SP140L: variants seen among roughly 807,000 people sequenced by gnomAD.
The protein encoded by SP140L is SP140 like nuclear body protein.
In SP140L, 64 loss-of-function variants were observed where a neutral mutation model predicts 84.3. The ratio of observed to expected loss-of-function variants is 0.76; its 90% CI spans 0.62 to 0.94. The LOEUF is 0.94. Ranked by LOEUF, SP140L falls within the 40% of genes least tolerant of loss-of-function variation. The pLI is 0.00. For missense variants in SP140L, 628 were observed against 692.5 expected, an observed-to-expected ratio of 0.91 and a Z score of 1.05; for synonymous variants, 242 against 236.9, an observed-to-expected ratio of 1.02 and a Z score of -0.20.
Position 230,393,544 on chromosome 2 carries a change from T to C in SP140L, c.1155+83T>C, listed in dbSNP as rs1016567743. On this transcript the variant is annotated intron_variant, in intron 13 of 18. Transcript: ENST00000415673. ...ACATCTTATTTTATGGAGTCTCCAATTGGGTAACTATAATTAAGCTTTCAC... is the reference window on the plus strand; with the variant it reads ...ACATCTTATTTTATGGAGTCTCCAACTGGGTAACTATAATTAAGCTTTCAC... 12 of 1,419,656 alleles carry C rather than the reference T, an allele frequency of 8.5e-6. No homozygotes were observed. The Admixed American group carries it at 1.6e-4, about 19-fold the overall frequency. The allele number at this position is 1,419,656 out of a possible 1,614,324, so 87.9% of individuals were successfully genotyped here.
intron 2 of SP140L, among the ~76,000 whole-genome samples, chr2:230,341,184 C>A (rs2060030848): frequency 7.3e-6 from 1 of 137,608 alleles, no homozygotes; most frequent in African/African-American, 2.7e-5. Context: ...GGAGGCTTTG[C>A]TCATTTCTTT....
At chr2:230,374,238 C>T (rs1036070718) in intron 7 of SP140L, among the ~76,000 whole-genome samples, 1 of 151,794 alleles carries the variant, frequency 6.6e-6, no homozygotes, top group Admixed American at 6.6e-5. Flanking sequence ...ATCGCTTGAA[C>T]CCGGGAGGCA....
chr2:230,367,295 C>T (rs200511965), intron 5 of SP140L, among the ~76,000 whole-genome samples: 192 of 117,844 alleles, frequency 1.6e-3, no homozygotes, highest in South Asian at 2.2e-3. Flanking sequence ...TCTTTTTTTT[C>T]TTTTTTTTTT....
At chr2:230,343,889 C>G (rs759654246) in intron 2 of SP140L, among the ~76,000 whole-genome samples, 7 of 152,060 alleles carry the variant, frequency 4.6e-5, no homozygotes, top group Admixed American at 2.6e-4. Flanking sequence ...ATCTGAGAAA[C>G]TGTTATGATT....
At chr2:230,374,139 A>G (rs1375637012) in intron 7 of SP140L, among the ~76,000 whole-genome samples, 1 of 152,136 alleles carries the variant, frequency 6.6e-6, no homozygotes, top group Non-Finnish European at 1.5e-5. Flanking sequence ...AATATGGTGA[A>G]ACCCTGTCTC....
intron 14 of SP140L, among the ~76,000 whole-genome samples, chr2:230,398,817 G>A (rs758121052): frequency 9.9e-5 from 15 of 152,262 alleles, no homozygotes; most frequent in Non-Finnish European, 2.1e-4. Context: ...GAAACAGCCA[G>A]TGGCTGTGGA....
At chr2:230,334,376 T>C (rs1559401950) in intron 2 of SP140L, among the ~76,000 whole-genome samples, 2 of 152,252 alleles carry the variant, frequency 1.3e-5, no homozygotes, top group African/African-American at 4.8e-5. Flanking sequence ...TCCTGTTCCC[T>C]GGTTCCTGCT....
chr2:230,371,033 G>A (rs2061050431), intron 6 of SP140L, 66 bp downstream of exon 6: 1 of 1,428,592 alleles, frequency 7.0e-7, no homozygotes, highest in Non-Finnish European at 9.8e-7. Flanking sequence ...GGGAAGAGTG[G>A]AGGCAGGTGC....
rs368551483 is a variant in SP140L, at chr2:230,400,961, G to A, written c.1320G>A (p.Pro440=). Residue 440 remains proline (P), a synonymous_variant, in exon 16 of 19, where the codon CCG becomes CCA. Coordinates refer to ENST00000415673, the MANE Select transcript of SP140L (RefSeq NM_138402.6). ...CCCATGTCCAATCTCTCAGGACCCCGTGGAATTGCATCTTCTGCAGGATGA... is the reference window on the plus strand; with the variant it reads ...CCCATGTCCAATCTCTCAGGACCCCATGGAATTGCATCTTCTGCAGGATGA... The part of the protein sequence containing the change: ...HIPPVESEKT[P]WNCIFCRMKE... The A allele has an allele frequency of 2.3e-3, 3,517 of 1,524,650 alleles. 4 individuals are homozygous for A. Among genetic ancestry groups the A allele is most frequent in the Non-Finnish European group, 2.5e-3 (2,815 of 1,121,622 alleles). The allele number at this position is 1,524,650 out of a possible 1,614,324, so 94.4% of individuals were successfully genotyped here.
Position 230,400,225 on chromosome 2 carries a change from A to G in SP140L, c.1296A>G (p.Pro432=), listed in dbSNP as rs759045090. 16 of 1,614,128 alleles carry G rather than the reference A, an allele frequency of 9.9e-6. No individual in the cohort carries two copies. The South Asian group carries it at 1.3e-4, about 13-fold the overall frequency. Residue 432 remains proline, a synonymous_variant, in exon 15 of 19, where the codon CCA becomes CCG. Transcript: ENST00000415673. The part of the protein sequence containing the change: ...SRVFHEDCHI[P]PVESEKTPWN... Reference sequence around the variant, plus strand: ...TCTTCCATGAGGACTGCCACATCCCACCTGTGGAAAGTGAGAAGTAAGTGA... The same window carrying G: ...TCTTCCATGAGGACTGCCACATCCCGCCTGTGGAAAGTGAGAAGTAAGTGA...
At chr2:230,392,841 AGT>A (rs2061880691) in intron 12 of SP140L, among the ~76,000 whole-genome samples, 1 of 152,216 alleles carries the variant, frequency 6.6e-6, no homozygotes, top group Non-Finnish European at 1.5e-5. Flanking sequence ...ACCTATACTC[AGT>A]CTAGAATGCT....
At chr2:230,334,867 G>A (rs2059824430) in intron 2 of SP140L, among the ~76,000 whole-genome samples, 1 of 152,034 alleles carries the variant, frequency 6.6e-6, no homozygotes, top group Admixed American at 6.5e-5. Flanking sequence ...AGCATATTAT[G>A]CATTTCTTCT....
At chr2:230,396,590 A>C (rs1200479444) in intron 13 of SP140L, among the ~76,000 whole-genome samples, 167 bp from the exon 14 acceptor site, 2 of 152,250 alleles carry the variant, frequency 1.3e-5, no homozygotes, top group East Asian at 3.8e-4. Context: ...TACATAGGAA[A>C]TTAAAGCACT....
At chr2:230,376,554 A>G (rs1466323806) in intron 7 of SP140L, among the ~76,000 whole-genome samples, 1 of 152,202 alleles carries the variant, frequency 6.6e-6, no homozygotes, top group Non-Finnish European at 1.5e-5. Context: ...GACAACTATG[A>G]CACTGATGAA....
chr2:230,349,104 G>A (rs1171992531), intron 2 of SP140L, among the ~76,000 whole-genome samples: 1 of 152,176 alleles, frequency 6.6e-6, no homozygotes, highest in Non-Finnish European at 1.5e-5. Context: ...GTGTATCTAT[G>A]CAATTCTACT....
At position 230,341,468 on chromosome 2, in the gene SP140L, G is replaced by A. The variant is rs1435231131; in HGVS notation, c.107+12637G>A. Among the ~76,000 whole-genome samples, 107 of 143,070 alleles carry A rather than the reference G, an allele frequency of 7.5e-4. 1 individual carries two copies. The highest frequency in any genetic ancestry group is 1.2e-3 in the Admixed American group (17 of 14,202). 93.9% of individuals were successfully genotyped at this position (143,070 alleles called of 152,430 possible). Reference sequence around the variant, plus strand: ...GCCCGTAGCTCAGAGTAATTTGATCGTCTGAAGCCTTCTTCTCTCAGCTCG... The same window carrying A: ...GCCCGTAGCTCAGAGTAATTTGATCATCTGAAGCCTTCTTCTCTCAGCTCG... On this transcript the variant is annotated intron_variant, in intron 2 of 18. Coordinates refer to ENST00000415673, the MANE Select transcript of SP140L (RefSeq NM_138402.6).
intron 2 of SP140L, among the ~76,000 whole-genome samples, chr2:230,347,888 G>T (rs756836157): frequency 3.3e-5 from 5 of 152,208 alleles, no homozygotes; most frequent in Non-Finnish European, 5.9e-5. Context: ...CTCTCTGCTA[G>T]GGTGCTGATG....
intron 2 of SP140L, among the ~76,000 whole-genome samples, chr2:230,352,553 TC>T (rs2060396203): frequency 6.6e-6 from 1 of 152,128 alleles, no homozygotes; most frequent in Non-Finnish European, 1.5e-5. Flanking sequence ...TCCAATCACC[TC>T]CCACCAGGTC....
At chr2:230,358,041 A>G in intron 3 of SP140L, 74 bp downstream of exon 3, 1 of 1,539,488 alleles carries the variant, frequency 6.5e-7, no homozygotes, top group Non-Finnish European at 8.9e-7. Context: ...GTGCTCCTGT[A>G]AAGTAGAAAA....
Sources: gnomAD v4.1 joint callset for allele counts (sites outside exome capture counted in the v4.1 genomes callset) on GRCh38, gnomAD v4.1.1 for gene constraint, MANE v1.5 for transcripts, NCBI Gene and HGNC (gene_info 2026-07-23, HGNC 2026-07-21) for gene names.